The following METTL25B variants were observed in gnomAD, a reference collection of about 807,000 sequenced individuals.
The protein encoded by METTL25B is methyltransferase like 25B, also known as methyltransferase-like protein 25B.
A neutral mutation model predicts 48.4 loss-of-function variants in METTL25B; 38 were observed. The ratio of observed to expected loss-of-function variants is 0.78; its 90% CI spans 0.61 to 1.03. The LOEUF is 1.03. Ranked by LOEUF, METTL25B falls within the 50% of genes least tolerant of loss-of-function variation. METTL25B has a pLI of 0.00. For synonymous variants in METTL25B, 230 were observed against 254.5 expected (o/e 0.90, Z 0.92); for missense variants, 537 against 603.7 (o/e 0.89, Z 1.16).
rs1025658769 is a variant in METTL25B at position 156,734,221 on chromosome 1, G to A, written c.849G>A (p.Val283=). 2.5e-6 allele frequency: 4 copies of A among 1,614,056 alleles called. No individual in the cohort carries two copies. The highest frequency in any genetic ancestry group is 1.3e-5 in the African/African-American group (1 of 74,936). The change falls in exon 6 of 8, where the codon GTG becomes GTA. Residue 283 remains valine (V), a synonymous_variant. Transcript: ENST00000368216. ...CTGAGGTGGTGGCCCTGGCCTCAGTGGGCTGCTGCTACATGAAGCTGAGTG... is the reference window on the plus strand; with the variant it reads ...CTGAGGTGGTGGCCCTGGCCTCAGTAGGCTGCTGCTACATGAAGCTGAGTG... ...CCPEVVALAS[V]GCCYMKLSDP... is the part of the protein sequence containing the mutation.
intron 7 of METTL25B, chr1:156,736,282 C>G (rs1177994986): frequency 4.0e-6 from 1 of 251,652 alleles, no homozygotes; most frequent in East Asian, 9.1e-5. Context: ...ATTGCTTGAA[C>G]CCAGGAGGCG....
Position 156,733,117 on chromosome 1 carries a change from C to G in METTL25B, c.492+70C>G. 3.5e-6 allele frequency: 5 copies of G among 1,443,544 alleles called. No individual in the cohort carries two copies. The Admixed American group carries it at 5.8e-5, about 17-fold the overall frequency. The allele number at this position is 1,443,544 out of a possible 1,614,324, so 89.4% of individuals were successfully genotyped here. A position where few individuals can be genotyped will look rare whatever the true frequency, so the allele number is the denominator to read the frequency against. On this transcript the variant is annotated intron_variant, in intron 4 of 7. Transcript: ENST00000368216. ...ATAGAACACCTGGAAGGCAGGTTATCGGGCCACAGGCCCAGCGAGGCAGGT... is the reference window on the plus strand; with the variant it reads ...ATAGAACACCTGGAAGGCAGGTTATGGGGCCACAGGCCCAGCGAGGCAGGT...
intron 1 of METTL25B, among the ~76,000 whole-genome samples, chr1:156,730,450 A>G (rs1649180932): frequency 6.6e-6 from 1 of 152,148 alleles, no homozygotes; most frequent in African/African-American, 2.4e-5. Context: ...CAGGCCGGGT[A>G]CGATGGCTCA....
rs753694467 is a variant in METTL25B, at chr1:156,732,304, C to T, written c.260C>T (p.Thr87Ile). 14 of 1,614,114 alleles carry T rather than the reference C, an allele frequency of 8.7e-6. No individual in the cohort carries two copies. The highest frequency in any genetic ancestry group is 1.2e-5 in the Non-Finnish European group (14 of 1,180,046). The change falls in exon 3 of 8, where the codon ACC (threonine) becomes ATC (isoleucine). Residue 87 changes from threonine (T) to isoleucine (I), a missense_variant. Physicochemically the swap from Thr to Ile is moderately conservative, Grantham distance 89. Coordinates refer to ENST00000368216, the MANE Select transcript of METTL25B (RefSeq NM_015997.4). ...VVRYRSVWPL[T>I]LLALKSTACA... Reference sequence around the variant, plus strand: ...AGGTACAGGTCAGTGTGGCCACTCACCCTGCTGGCCCTGAAGTCCACGGCG... The same window carrying T: ...AGGTACAGGTCAGTGTGGCCACTCATCCTGCTGGCCCTGAAGTCCACGGCG...
chr1:156,734,595 G>A (rs1294577723), intron 6 of METTL25B, 102 bp downstream of exon 6: 16 of 1,285,446 alleles, frequency 1.2e-5, no homozygotes, highest in East Asian at 7.6e-5. Context: ...GCAGTGGAGC[G>A]ATCTCGGCTC....
At position 156,733,017 on chromosome 1, in the gene METTL25B, C is replaced by T. The variant is rs775809435; in HGVS notation, c.462C>T (p.Cys154=). 23 of 1,614,032 alleles carry T rather than the reference C, an allele frequency of 1.4e-5. No homozygotes were observed. Among genetic ancestry groups the T allele is most frequent in the East Asian group, 2.2e-5 (1 of 44,894 alleles). Reference sequence around the variant, plus strand: ...AGAAGCTGAGTGATTTCACAGGCTGCACCCAGGTTGTAGACGTGGGCTCAG... The same window carrying T: ...AGAAGCTGAGTGATTTCACAGGCTGTACCCAGGTTGTAGACGTGGGCTCAG... ...LVKKLSDFTG[C]TQVVDVGSGQ... is the part of the protein sequence containing the mutation. Residue 154 remains cysteine (C), a synonymous_variant, in exon 4 of 8, where the codon TGC becomes TGT. Coordinates refer to ENST00000368216, the MANE Select transcript of METTL25B (RefSeq NM_015997.4).
chr1:156,730,142 G>A (rs1373018980), intron 1 of METTL25B, among the ~76,000 whole-genome samples: 2 of 152,288 alleles, frequency 1.3e-5, no homozygotes, highest in African/African-American at 4.8e-5. Context: ...TAGATTGATA[G>A]CATTCAAATG....
chr1:156,734,305 CT>C lies in METTL25B; in HGVS notation c.934del (p.Tyr312ThrfsTer74). ...CTGGGCTGCCTGGCTATGAACTGCC[CT>C]ACCGGCTTCGGGAGGGGGCCTGCCA... ...VAGLPGYELP[Y>X]RLREGACHAL... On this transcript the variant is annotated frameshift_variant, in exon 6 of 8. Coordinates refer to ENST00000368216, the MANE Select transcript of METTL25B (RefSeq NM_015997.4). LOFTEE classifies it high-confidence loss of function. 6.2e-7 allele frequency: 1 copy of C among 1,614,102 alleles called. No homozygotes were observed.
chr1:156,735,639 G>A, intron 6 of METTL25B, 86 bp from the exon 7 acceptor site: 1 of 1,049,456 alleles, frequency 9.5e-7, no homozygotes, highest in Non-Finnish European at 1.3e-6. Flanking sequence ...AGCAAAGTTG[G>A]AACTGAATTA....
At chr1:156,733,614 C>G (rs984006791) in intron 5 of METTL25B, 94 bp downstream of exon 5, 1 of 1,340,924 alleles carries the variant, frequency 7.5e-7, no homozygotes, top group South Asian at 1.3e-5. Flanking sequence ...TCAAGTTTCT[C>G]AGCTTGAACT....
intron 5 of METTL25B, 126 bp downstream of exon 5, chr1:156,733,646 T>G: frequency 9.5e-7 from 1 of 1,048,496 alleles, no homozygotes; most frequent in Non-Finnish European, 1.4e-6. Flanking sequence ...TAATTTCTAT[T>G]ACCTCTTTCC....
chr1:156,732,310 T>C lies in METTL25B; in HGVS notation c.266T>C (p.Leu89Pro). 4.3e-6 allele frequency: 7 copies of C among 1,614,266 alleles called. No homozygotes were observed. The highest frequency in any genetic ancestry group is 5.1e-6 in the Non-Finnish European group (6 of 1,180,042). ...AGGTCAGTGTGGCCACTCACCCTGC[T>C]GGCCCTGAAGTCCACGGCGTGTGCC... The part of the protein sequence containing the change: ...RYRSVWPLTL[L>P]ALKSTACALA... The change falls in exon 3 of 8, where the codon CTG (leucine) becomes CCG (proline). Residue 89 changes from leucine to proline, a missense_variant. Leu to Pro is a moderately conservative substitution (Grantham distance 98). Coordinates refer to ENST00000368216, the MANE Select transcript of METTL25B (RefSeq NM_015997.4).
At position 156,735,911 on chromosome 1, in the gene METTL25B, T is replaced by G. The variant is rs753643421; in HGVS notation, c.1306+2T>G. The G allele has an allele frequency of 6.2e-7, 1 of 1,608,702 alleles. No individual in the cohort carries two copies. The highest frequency in any genetic ancestry group is 8.5e-7 in the Non-Finnish European group (1 of 1,176,852). On this transcript the variant is annotated splice_donor_variant, in intron 7 of 7. Transcript: ENST00000368216. LOFTEE classifies it high-confidence loss of function. ...GGCTGCTGTACCTTCAGGAACAGGG[T>G]GAGGGTGGCCTACAGCAGGGACCCA...
chr1:156,733,587 A>G, intron 5 of METTL25B, 67 bp downstream of exon 5: 3 of 1,525,094 alleles, frequency 2.0e-6, no homozygotes, highest in Non-Finnish European at 2.7e-6. Flanking sequence ...TTGAGCACAG[A>G]GGCTGGATTA....
intron 5 of METTL25B, 109 bp downstream of exon 5, chr1:156,733,629 T>C: frequency 8.3e-7 from 1 of 1,201,220 alleles, no homozygotes. Flanking sequence ...TGAACTGGTG[T>C]GGTCCCTAAT....
intron 3 of METTL25B, 82 bp from the exon 4 acceptor site, chr1:156,732,903 G>C (rs942046993): frequency 1.2e-5 from 14 of 1,188,886 alleles, no homozygotes; most frequent in Admixed American, 3.9e-5. Flanking sequence ...TGTCATCTTT[G>C]TCTCTTCCAC....
chr1:156,733,335 G>C, intron 4 of METTL25B, 42 bp from the exon 5 acceptor site: 3 of 1,609,958 alleles, frequency 1.9e-6, no homozygotes, highest in Non-Finnish European at 2.5e-6. Context: ...ATAGTGGATA[G>C]GGCACTGAAC....
chr1:156,730,866 A>G (rs1228795656), intron 1 of METTL25B, among the ~76,000 whole-genome samples: 1 of 152,246 alleles, frequency 6.6e-6, no homozygotes, highest in Non-Finnish European at 1.5e-5. Context: ...GTGTTGTTTA[A>G]AGGATCAAAT....
chr1:156,732,565 C>A, intron 3 of METTL25B, 92 bp downstream of exon 3: 1 of 1,214,004 alleles, frequency 8.2e-7, no homozygotes, highest in South Asian at 1.3e-5. Flanking sequence ...ACCTCACATG[C>A]AAGGCCAGAG....
Sources: allele counts gnomAD v4.1 joint callset (sites outside exome capture counted in the v4.1 genomes callset), GRCh38; gene constraint gnomAD v4.1.1; transcripts MANE v1.5; gene names NCBI Gene and HGNC (gene_info 2026-07-23, HGNC 2026-07-21).